The following AASS variants were observed in gnomAD, a reference collection of about 807,000 sequenced individuals.
AASS encodes alpha-aminoadipic semialdehyde synthase, mitochondrial.
Under a neutral mutation model 105.4 loss-of-function variants are expected in AASS, and 86 were observed. The observed-to-expected ratio is 0.82, with a 90% confidence interval of 0.69 to 0.98. The LOEUF is 0.98. Among genes scored for constraint, AASS ranks in the 50% least tolerant of loss-of-function variants. The pLI is 0.00. For missense variants in AASS, 1,048 were observed against 1,143.2 expected (o/e 0.92, Z 1.20); for synonymous variants, 381 against 394.8 (o/e 0.96, Z 0.41).
intron 1 of AASS, among the ~76,000 whole-genome samples, chr7:122,143,878 G>T (rs1001092894): frequency 6.6e-6 from 1 of 152,178 alleles, no homozygotes; most frequent in African/African-American, 2.4e-5. Flanking sequence ...TTTCTACTTA[G>T]AAATGCTGGA....
chr7:122,111,531 T>C lies in AASS; in HGVS notation c.1278+1587A>G, dbSNP rs145137748. On this transcript the variant is annotated intron_variant, in intron 11 of 23. Coordinates refer to ENST00000417368, the MANE Select transcript of AASS (RefSeq NM_005763.4). ...GTAAACACCTTGGTAAATATATTAT[T>C]GTATTTTTTATATACATACAGTTTG... 3.5e-3 allele frequency among the ~76,000 whole-genome samples: 529 copies of C among 152,338 alleles called. 3 individuals are homozygous for C. The highest frequency in any genetic ancestry group is 0.012 in the African/African-American group (494 of 41,572).
chr7:122,110,254 A>G (rs1230020962), intron 11 of AASS, among the ~76,000 whole-genome samples: 1 of 151,904 alleles, frequency 6.6e-6, no homozygotes, highest in African/African-American at 2.4e-5. Flanking sequence ...ACAGATTAAG[A>G]AAAAACAGAA....
In AASS at chr7:122,118,342, T is replaced by C; in HGVS notation, c.652A>G (p.Thr218Ala). Residue 218 changes from threonine (T) to alanine (A), a missense_variant, in exon 6 of 24, where the codon ACA becomes GCA. Coordinates refer to ENST00000417368, the MANE Select transcript of AASS (RefSeq NM_005763.4). The part of the protein sequence containing the change: ...GLMPKSIGPL[T>A]FVFTGTGNVS... ...TTACCAGTTCCTGTGAACACAAATG[T>C]TAAGGGTCCTATTGACTTAGGCATC... 6.2e-7 allele frequency: 1 copy of C among 1,614,146 alleles called. No individual in the cohort carries two copies. Among genetic ancestry groups the C allele is most frequent in the Non-Finnish European group, 8.5e-7 (1 of 1,180,022 alleles).
intron 3 of AASS, among the ~76,000 whole-genome samples, chr7:122,128,606 G>C (rs1035006663): frequency 6.6e-6 from 1 of 152,122 alleles, no homozygotes; most frequent in South Asian, 2.1e-4. Flanking sequence ...TGTAAGCTTT[G>C]TGAAAATAAA....
rs766111824 is a variant in AASS at position 122,077,875 on chromosome 7, C to A, written c.2625G>T (p.Gly875=). Residue 875 remains glycine (G), a synonymous_variant, in exon 23 of 24, where the codon GGG becomes GGT. Transcript: ENST00000417368. ...NGFSAMAKTV[G]LPTAMAAKML... is the part of the protein sequence containing the mutation. ...TTTTGGCTGCCATGGCGGTGGGTAA[C>A]CCCACGGTTTTAGCCATGGCTGAAA... 12 of 1,614,162 alleles carry A rather than the reference C, an allele frequency of 7.4e-6. No homozygotes were observed. Among genetic ancestry groups the A allele is most frequent in the Non-Finnish European group, 1.0e-5 (12 of 1,180,022 alleles).
chr7:122,088,513 T>A lies in AASS; in HGVS notation c.2017-2334A>T, dbSNP rs554288768. 1.4e-4 allele frequency among the ~76,000 whole-genome samples: 22 copies of A among 152,206 alleles called. No homozygotes were observed. In the East Asian group the frequency reaches 4.3e-3, roughly 29 times the overall value. On this transcript the variant is annotated intron_variant, in intron 18 of 23. Transcript: ENST00000417368. Reference sequence around the variant, plus strand: ...TCCTTCAACTACACTGTCCCCTTAATCATGCTTATTTCTGGATCAGTATTT... The same window carrying A: ...TCCTTCAACTACACTGTCCCCTTAAACATGCTTATTTCTGGATCAGTATTT...
At chr7:122,100,563 C>T (rs1449011978) in intron 13 of AASS, among the ~76,000 whole-genome samples, 1 of 151,698 alleles carries the variant, frequency 6.6e-6, no homozygotes, top group Non-Finnish European at 1.5e-5. Context: ...GTAGTAGAAC[C>T]ACTGAAAAAG....
intron 18 of AASS, among the ~76,000 whole-genome samples, chr7:122,091,371 G>A (rs927148762): frequency 3.3e-5 from 5 of 152,118 alleles, no homozygotes; most frequent in African/African-American, 1.2e-4. Context: ...CTTGCCCAAA[G>A]TCCAGCACAT....
intron 13 of AASS, among the ~76,000 whole-genome samples, chr7:122,101,084 CAAG>C (rs1584845378): frequency 6.6e-6 from 1 of 151,760 alleles, no homozygotes; most frequent in Non-Finnish European, 1.5e-5. Context: ...TAGAGAAAAA[CAAG>C]AAGCTACCTG....
At chr7:122,120,556 A>G (rs991206989) in intron 4 of AASS, among the ~76,000 whole-genome samples, 7 of 151,678 alleles carry the variant, frequency 4.6e-5, no homozygotes, top group Admixed American at 6.6e-5. Flanking sequence ...TAGTTTGATT[A>G]ATTTTCTCTG....
At position 122,073,868 on chromosome 7, in the gene AASS, A is replaced by ACCT. The variant is rs1792879664; in HGVS notation, c.*2620_*2621insAGG. Among the ~76,000 whole-genome samples the ACCT allele has an allele frequency of 3.3e-5, 5 of 152,140 alleles. No homozygotes were observed. The highest frequency in any genetic ancestry group is 1.2e-4 in the African/African-American group (5 of 41,430). ...TCATGTCTGGCATTCTTCACTTGAT[A>ACCT]TGTTTTCAAGGTTTTTCCATGTTGT... On this transcript the variant is annotated 3_prime_UTR_variant, in exon 24 of 24. Transcript: ENST00000417368.
chr7:122,081,711 T>G (rs889028675), intron 19 of AASS, 116 bp from the exon 20 acceptor site: 4 of 734,838 alleles, frequency 5.4e-6, no homozygotes, highest in Non-Finnish European at 7.0e-6. Flanking sequence ...CTGTTTATAT[T>G]GATGATATGA....
At chr7:122,114,905 A>T (rs543693025) in intron 9 of AASS, among the ~76,000 whole-genome samples, 169 bp downstream of exon 9, 29 of 151,310 alleles carry the variant, frequency 1.9e-4, no homozygotes, top group Non-Finnish European at 3.5e-4. Context: ...TAAAATTTTA[A>T]AAAAAAAAGG....
chr7:122,120,436 T>C (rs1245217701), intron 4 of AASS, among the ~76,000 whole-genome samples: 1 of 152,050 alleles, frequency 6.6e-6, no homozygotes, highest in Non-Finnish European at 1.5e-5. Context: ...TTAGTAAATA[T>C]TGTCTTCTCT....
At chr7:122,096,114 C>T (rs554413933) in intron 15 of AASS, among the ~76,000 whole-genome samples, 6 of 151,758 alleles carry the variant, frequency 4.0e-5, no homozygotes, top group South Asian at 2.1e-4. Flanking sequence ...TCCAAAAGGT[C>T]GAAAATGTCA....
chr7:122,141,722 G>A (rs1796410564), intron 1 of AASS, among the ~76,000 whole-genome samples: 1 of 142,478 alleles, frequency 7.0e-6, no homozygotes, highest in Non-Finnish European at 1.5e-5. Context: ...ATCAACAAAT[G>A]TCGTGAAATA....
chr7:122,108,533 A>G (rs1467038010), intron 11 of AASS, among the ~76,000 whole-genome samples: 1 of 152,148 alleles, frequency 6.6e-6, no homozygotes, highest in East Asian at 1.9e-4. Flanking sequence ...CAAATTAATA[A>G]ACATAATTTA....
intron 3 of AASS, among the ~76,000 whole-genome samples, chr7:122,127,053 C>T (rs1003810628): frequency 4.6e-5 from 7 of 152,144 alleles, no homozygotes; most frequent in Admixed American, 6.6e-5. Flanking sequence ...CTCTCTCCTC[C>T]TCCTTCTCCT....
At chr7:122,110,479 T>C (rs1175796437) in intron 11 of AASS, among the ~76,000 whole-genome samples, 1 of 151,876 alleles carries the variant, frequency 6.6e-6, no homozygotes, top group Non-Finnish European at 1.5e-5. Flanking sequence ...TTTTAAAACT[T>C]ACCCTTAAAA....
Sources: gnomAD v4.1 joint callset for allele counts (sites outside exome capture counted in the v4.1 genomes callset) on GRCh38, gnomAD v4.1.1 for gene constraint, MANE v1.5 for transcripts, NCBI Gene and HGNC (gene_info 2026-07-23, HGNC 2026-07-21) for gene names.